Variants in PIP4K2A observed in about 807,000 individuals in gnomAD.
PIP4K2A encodes phosphatidylinositol 5-phosphate 4-kinase type-2 alpha.
A neutral mutation model predicts 42.9 loss-of-function variants in PIP4K2A; 14 were observed. The ratio of observed to expected loss-of-function variants is 0.33; its 90% CI spans 0.22 to 0.51. PIP4K2A has a LOEUF of 0.51. Ranked by LOEUF, PIP4K2A falls within the 20% of genes least tolerant of loss-of-function variation. The probability of loss-of-function intolerance (pLI) is 0.97; values close to 1 mark genes in which losing one functional copy is unlikely to be tolerated. For synonymous variants in PIP4K2A, 192 were observed against 192.2 expected, an observed-to-expected ratio of 1.00 and a Z score of 0.01; for missense variants, 434 against 519.8, an observed-to-expected ratio of 0.83 and a Z score of 1.61.
chr10:22,570,870 C>T (rs1836968493), intron 5 of PIP4K2A, among the ~76,000 whole-genome samples: 1 of 151,938 alleles, frequency 6.6e-6, no homozygotes, highest in Non-Finnish European at 1.5e-5. Context: ...AAAACCAGCA[C>T]CATCTAAGAA....
At chr10:22,571,736 A>G (rs1400370787) in intron 5 of PIP4K2A, among the ~76,000 whole-genome samples, 1 of 152,198 alleles carries the variant, frequency 6.6e-6, no homozygotes, top group Non-Finnish European at 1.5e-5. Flanking sequence ...CAATTATCCA[A>G]AAAAGTTGTT....
intron 4 of PIP4K2A, among the ~76,000 whole-genome samples, chr10:22,574,076 G>A (rs567025102): frequency 7.0e-6 from 1 of 143,084 alleles, no homozygotes; most frequent in African/African-American, 2.6e-5. Context: ...GCCCAGGGTT[G>A]ACACCATTTC....
At chr10:22,604,813 A>G (rs960117113) in intron 3 of PIP4K2A, among the ~76,000 whole-genome samples, 1 of 152,184 alleles carries the variant, frequency 6.6e-6, no homozygotes, top group African/African-American at 2.4e-5. Context: ...TTGGCGCCAC[A>G]TGTGCCAAAT....
chr10:22,595,517 G>A (rs985890260), intron 3 of PIP4K2A, among the ~76,000 whole-genome samples: 3 of 152,162 alleles, frequency 2.0e-5, no homozygotes, highest in Non-Finnish European at 2.9e-5. Flanking sequence ...CAGCGCTTTG[G>A]GGGCTGAGGT....
chr10:22,590,083 C>T (rs1202463477), intron 4 of PIP4K2A, among the ~76,000 whole-genome samples: 1 of 152,196 alleles, frequency 6.6e-6, no homozygotes, highest in Non-Finnish European at 1.5e-5. Flanking sequence ...ATCCCACCCA[C>T]CATGACCCTG....
intron 1 of PIP4K2A, chr10:22,713,978 A>G: frequency 2.0e-6 from 1 of 508,144 alleles, no homozygotes; most frequent in Non-Finnish European, 3.5e-6. Flanking sequence ...ATAGATCTAA[A>G]GGGGACGCAA....
intron 1 of PIP4K2A, among the ~76,000 whole-genome samples, chr10:22,628,294 T>C (rs1838487378): frequency 1.3e-5 from 2 of 152,214 alleles, no homozygotes; most frequent in African/African-American, 2.4e-5. Context: ...TTGTTTGTTT[T>C]TGTAAATGTG....
At chr10:22,559,666 A>G (rs1000327899) in intron 6 of PIP4K2A, among the ~76,000 whole-genome samples, 2 of 152,078 alleles carry the variant, frequency 1.3e-5, no homozygotes, top group East Asian at 3.9e-4. Flanking sequence ...TTCCCCATCA[A>G]TCATAGCAAT....
intron 6 of PIP4K2A, among the ~76,000 whole-genome samples, chr10:22,554,918 C>A (rs1360008400): frequency 6.6e-6 from 1 of 152,188 alleles, no homozygotes; most frequent in East Asian, 1.9e-4. Flanking sequence ...TACAGCCCAA[C>A]GCAGAGCCAG....
chr10:22,597,086 G>A lies in PIP4K2A; in HGVS notation c.340-5305C>T, dbSNP rs1024872162. Among the ~76,000 whole-genome samples the A allele has an allele frequency of 3.3e-5, 5 of 152,328 alleles. No homozygotes were observed. In the East Asian group the frequency reaches 7.7e-4, roughly 23 times the overall value. On this transcript the variant is annotated intron_variant, in intron 3 of 9. Transcript: ENST00000376573. ...AACAGCCACAGTGCTAATGCAGTCC[G>A]GAGTCTGTTATTTACACTTTTATTA...
intron 1 of PIP4K2A, among the ~76,000 whole-genome samples, chr10:22,640,194 T>C (rs866415752): frequency 7.2e-5 from 11 of 152,152 alleles, no homozygotes; most frequent in South Asian, 2.1e-4. Flanking sequence ...ATTTTTGAAA[T>C]TGTTAATTTT....
chr10:22,632,501 G>T (rs781738651), intron 1 of PIP4K2A, among the ~76,000 whole-genome samples: 53 of 152,154 alleles, frequency 3.5e-4, no homozygotes, highest in Non-Finnish European at 6.9e-4. Context: ...GTTGGTGTTA[G>T]CTGGATTTGT....
chr10:22,686,024 G>A (rs1489906436), intron 1 of PIP4K2A, among the ~76,000 whole-genome samples: 1 of 152,208 alleles, frequency 6.6e-6, no homozygotes. Flanking sequence ...AAGTGAGGCA[G>A]GGATCGAGTA....
At chr10:22,555,870 G>C (rs1331445764) in intron 6 of PIP4K2A, among the ~76,000 whole-genome samples, 1 of 148,756 alleles carries the variant, frequency 6.7e-6, no homozygotes, top group Non-Finnish European at 1.5e-5. Flanking sequence ...CATAGAATCA[G>C]TGAACACTAA....
chr10:22,569,233 C>T (rs1836922990), intron 5 of PIP4K2A, among the ~76,000 whole-genome samples: 1 of 152,220 alleles, frequency 6.6e-6, no homozygotes, highest in Admixed American at 6.5e-5. Flanking sequence ...TTCCATCCCC[C>T]TGGTGCTCAG....
chr10:22,651,202 T>C (rs1838989114), intron 1 of PIP4K2A, among the ~76,000 whole-genome samples: 2 of 152,208 alleles, frequency 1.3e-5, no homozygotes, highest in Admixed American at 1.3e-4. Context: ...TCACTAAGTC[T>C]GTCCACCAAG....
intron 9 of PIP4K2A, among the ~76,000 whole-genome samples, chr10:22,539,090 G>C (rs1836015871): frequency 6.6e-6 from 1 of 152,116 alleles, no homozygotes; most frequent in Admixed American, 6.5e-5. Flanking sequence ...AACAAAGATG[G>C]CACCCTGCAA....
chr10:22,698,159 A>C (rs964847553), intron 1 of PIP4K2A, among the ~76,000 whole-genome samples: 13 of 152,216 alleles, frequency 8.5e-5, no homozygotes, highest in Non-Finnish European at 1.9e-4. Context: ...GCCATCTTCC[A>C]ACCTCAGACC....
At position 22,714,268 on chromosome 10, in the gene PIP4K2A, T is replaced by TTCTTGG; in HGVS notation, c.53_58dup (p.Thr18_Lys19dup). 2.5e-6 allele frequency: 4 copies of TTCTTGG among 1,612,260 alleles called. No individual in the cohort carries two copies. The highest frequency in any genetic ancestry group is 3.4e-6 in the Non-Finnish European group (4 of 1,178,914). On this transcript the variant is annotated inframe_insertion, in exon 1 of 10. Coordinates refer to ENST00000376573, the MANE Select transcript of PIP4K2A (RefSeq NM_005028.5). Reference sequence around the variant, plus strand: ...CACTTTCTGCGCTACGAAGTGCTTCTTCTTGGTCTTGGTCTTGCTCGCCAG... The same window carrying TTCTTGG: ...CACTTTCTGCGCTACGAAGTGCTTCTTCTTGGTCTTGGTCTTGGTCTTGCTCGCCAG...
Sources: allele counts gnomAD v4.1 joint callset (sites outside exome capture counted in the v4.1 genomes callset), GRCh38; gene constraint gnomAD v4.1.1; transcripts MANE v1.5; gene names NCBI Gene and HGNC (gene_info 2026-07-23, HGNC 2026-07-21).